The following SGCZ variants were observed in gnomAD, a reference collection of about 807,000 sequenced individuals.
SGCZ encodes sarcoglycan zeta.
SGCZ carries 40 observed loss-of-function variants against 41.3 expected under a neutral mutation model. That is an observed-to-expected ratio of 0.97 (90% confidence interval 0.75 to 1.26). The LOEUF (loss-of-function observed/expected upper bound fraction) is 1.26, where lower values mean the gene tolerates loss of function less well. SGCZ is among the 50% of genes most tolerant of loss of function. The pLI is 0.00. For missense variants in SGCZ, 552 were observed against 369.8 expected (o/e 1.49, Z -4.04); for synonymous variants, 206 against 137.5 (o/e 1.50, Z -3.49).
At chr8:14,787,212 G>C (rs187059905) in intron 1 of SGCZ, among the ~76,000 whole-genome samples, 1 of 152,086 alleles carries the variant, frequency 6.6e-6, no homozygotes, top group African/African-American at 2.4e-5. Flanking sequence ...CAACAAAACA[G>C]AAGAAGCCGA....
At chr8:14,791,872 A>G (rs538184805) in intron 1 of SGCZ, among the ~76,000 whole-genome samples, 2 of 152,348 alleles carry the variant, frequency 1.3e-5, no homozygotes, top group African/African-American at 2.4e-5. Context: ...GCTTTGCGTT[A>G]AAATGATACA....
At chr8:14,581,578 A>G (rs900336018) in intron 1 of SGCZ, among the ~76,000 whole-genome samples, 1 of 152,084 alleles carries the variant, frequency 6.6e-6, no homozygotes. Flanking sequence ...CATAGAGTGA[A>G]CCACCTTACT....
At chr8:14,446,849 A>G (rs1450464470) in intron 2 of SGCZ, among the ~76,000 whole-genome samples, 5 of 152,198 alleles carry the variant, frequency 3.3e-5, no homozygotes, top group Admixed American at 1.3e-4. Flanking sequence ...TAAAAGCACA[A>G]AGAAAACTAT....
chr8:14,397,739 A>G (rs11995897), intron 2 of SGCZ, among the ~76,000 whole-genome samples: 13,000 of 152,130 alleles, frequency 0.085, 985 homozygotes, highest in African/African-American at 0.2. Context: ...TCTTCCCAGT[A>G]TTGCAAAAGC....
intron 1 of SGCZ, among the ~76,000 whole-genome samples, chr8:14,649,892 T>C (rs149629358): frequency 3.7e-4 from 57 of 152,020 alleles, no homozygotes; most frequent in Admixed American, 1.5e-3. Flanking sequence ...TAGAAATAGC[T>C]TGATGAGAAG....
chr8:14,650,341 T>C (rs980500930), intron 1 of SGCZ, among the ~76,000 whole-genome samples: 7 of 152,150 alleles, frequency 4.6e-5, no homozygotes, highest in Admixed American at 2.6e-4. Flanking sequence ...TTAAAGTGGA[T>C]GATGTTTTTT....
At position 14,882,997 on chromosome 8, in the gene SGCZ, A is replaced by G. The variant is rs1192019742; in HGVS notation, c.40-328071T>C. ...ATTGATTGCATCTCATTTTACATCT[A>G]TGTATTTATACATAATTCTTAATGA... is the stretch of plus-strand genomic sequence containing the variant. On this transcript the variant is annotated intron_variant, in intron 1 of 7. Coordinates refer to ENST00000382080, the MANE Select transcript of SGCZ (RefSeq NM_139167.4). 2.0e-5 allele frequency among the ~76,000 whole-genome samples: 3 copies of G among 152,094 alleles called. No homozygotes were observed. In the East Asian group the frequency reaches 5.8e-4, roughly 29 times the overall value.
chr8:15,101,594 T>G (rs142098737), intron 1 of SGCZ, among the ~76,000 whole-genome samples: 8 of 152,032 alleles, frequency 5.3e-5, no homozygotes, highest in African/African-American at 1.9e-4. Context: ...GCTGGTGAAG[T>G]GGAACAATAG....
chr8:14,667,248 G>T (rs1386873659), intron 1 of SGCZ, among the ~76,000 whole-genome samples: 2 of 152,122 alleles, frequency 1.3e-5, no homozygotes, highest in Non-Finnish European at 2.9e-5. Context: ...GATTATTCTG[G>T]CATGTATAAC....
chr8:14,259,197 C>T (rs957481714), intron 3 of SGCZ, among the ~76,000 whole-genome samples: 1 of 152,078 alleles, frequency 6.6e-6, no homozygotes. Flanking sequence ...AGATAAAATA[C>T]CTACTGAGTT....
At chr8:14,922,099 T>C (rs1235380336) in intron 1 of SGCZ, among the ~76,000 whole-genome samples, 1 of 152,120 alleles carries the variant, frequency 6.6e-6, no homozygotes, top group Non-Finnish European at 1.5e-5. Context: ...ATCCCTGCTT[T>C]AGCTGCTTGA....
At chr8:14,464,175 G>A (rs1800981570) in intron 2 of SGCZ, among the ~76,000 whole-genome samples, 1 of 151,586 alleles carries the variant, frequency 6.6e-6, no homozygotes, top group Admixed American at 6.6e-5. Context: ...ATTTGTTAAA[G>A]TTTGAGAAGA....
chr8:14,809,094 G>T (rs1033086226), intron 1 of SGCZ, among the ~76,000 whole-genome samples: 32 of 146,668 alleles, frequency 2.2e-4, no homozygotes, highest in African/African-American at 6.1e-4. Context: ...GTGGGTGGAG[G>T]GGGGAGGGAT....
chr8:14,127,834 A>G (rs543636780), intron 5 of SGCZ, among the ~76,000 whole-genome samples: 16 of 152,132 alleles, frequency 1.1e-4, no homozygotes, highest in Non-Finnish European at 2.1e-4. Context: ...CTCATGTCAC[A>G]GGGGATTTTT....
chr8:14,144,911 G>T (rs1321312391), intron 5 of SGCZ, among the ~76,000 whole-genome samples: 3 of 152,176 alleles, frequency 2.0e-5, no homozygotes, highest in Admixed American at 2.0e-4. Context: ...AAAGGGAAGG[G>T]AAGAGTGGGA....
chr8:14,998,019 C>T (rs928237531), intron 1 of SGCZ, among the ~76,000 whole-genome samples: 5 of 152,088 alleles, frequency 3.3e-5, no homozygotes, highest in African/African-American at 1.2e-4. Context: ...TAAAGAAATG[C>T]AACTTCCCAG....
chr8:14,460,703 T>G (rs1225692926), intron 2 of SGCZ, among the ~76,000 whole-genome samples: 1 of 152,116 alleles, frequency 6.6e-6, no homozygotes, highest in Non-Finnish European at 1.5e-5. Flanking sequence ...GCCTTGTGTA[T>G]TAGATCAAGA....
intron 1 of SGCZ, among the ~76,000 whole-genome samples, chr8:14,671,181 T>G (rs1481662411): frequency 6.6e-6 from 1 of 152,208 alleles, no homozygotes; most frequent in Admixed American, 6.5e-5. Context: ...CTTTTGTAAC[T>G]TCTCAAAATA....
intron 1 of SGCZ, among the ~76,000 whole-genome samples, chr8:15,167,939 C>T (rs114853998): frequency 6.6e-6 from 1 of 152,160 alleles, no homozygotes; most frequent in Non-Finnish European, 1.5e-5. Context: ...AAATAGGGTG[C>T]CCATCACTTG....
Sources: gnomAD v4.1 joint callset for allele counts (sites outside exome capture counted in the v4.1 genomes callset) on GRCh38, gnomAD v4.1.1 for gene constraint, MANE v1.5 for transcripts, NCBI Gene and HGNC (gene_info 2026-07-23, HGNC 2026-07-21) for gene names.